RSU1: variants seen among roughly 807,000 people sequenced by gnomAD.
RSU1 encodes the protein Ras suppressor protein 1, also known as rsu-1.
A neutral mutation model predicts 31.1 loss-of-function variants in RSU1; 26 were observed. That is an observed-to-expected ratio of 0.84 (90% CI 0.61 to 1.16). The LOEUF is 1.16. Among genes scored for constraint, RSU1 ranks in the 50% most tolerant of loss-of-function variants. RSU1 has a pLI of 0.00. For synonymous variants in RSU1, 164 were observed against 136.3 expected (o/e 1.20, Z -1.41); for missense variants, 320 against 339.1 (o/e 0.94, Z 0.44).
chr10:16,690,145 G>GA (rs35694147), intron 8 of RSU1, among the ~76,000 whole-genome samples: 2,362 of 152,118 alleles, frequency 0.016, 53 homozygotes, highest in African/African-American at 0.054. Flanking sequence ...TCTCCTGGGG[G>GA]AAAAAAATCT....
chr10:16,623,016 T>C (rs1358560411), intron 8 of RSU1, among the ~76,000 whole-genome samples: 1 of 152,184 alleles, frequency 6.6e-6, no homozygotes, highest in Non-Finnish European at 1.5e-5. Flanking sequence ...CAAGAAAAAG[T>C]ACATTCTAAT....
At chr10:16,596,299 T>A (rs926189193) in intron 8 of RSU1, among the ~76,000 whole-genome samples, 1 of 152,180 alleles carries the variant, frequency 6.6e-6, no homozygotes, top group Non-Finnish European at 1.5e-5. Flanking sequence ...ACTCAACCCG[T>A]GTTCCTCCTC....
chr10:16,777,832 A>G (rs1837564354), intron 3 of RSU1, among the ~76,000 whole-genome samples: 1 of 152,084 alleles, frequency 6.6e-6, no homozygotes, highest in African/African-American at 2.4e-5. Flanking sequence ...AGGAAAAGCA[A>G]AGAAACACAG....
At chr10:16,729,687 G>T (rs947835699) in intron 7 of RSU1, among the ~76,000 whole-genome samples, 4 of 152,184 alleles carry the variant, frequency 2.6e-5, no homozygotes, top group Admixed American at 2.0e-4. Flanking sequence ...TGGGTTAGGG[G>T]TTTATTTTTC....
intron 3 of RSU1, among the ~76,000 whole-genome samples, chr10:16,770,514 G>T (rs753006366): frequency 6.6e-6 from 1 of 152,136 alleles, no homozygotes; most frequent in Non-Finnish European, 1.5e-5. Flanking sequence ...CCAAACTTCT[G>T]GGGAGTTGGG....
intron 8 of RSU1, among the ~76,000 whole-genome samples, chr10:16,670,766 C>T (rs953566992): frequency 3.3e-5 from 5 of 152,026 alleles, no homozygotes; most frequent in African/African-American, 4.8e-5. Context: ...GATAGCGCCA[C>T]AGAACCTCTT....
intron 8 of RSU1, among the ~76,000 whole-genome samples, chr10:16,615,857 T>C (rs1463095880): frequency 6.6e-6 from 1 of 152,220 alleles, no homozygotes; most frequent in African/African-American, 2.4e-5. Flanking sequence ...TCAGAATCTC[T>C]GGGATGTAGC....
intron 2 of RSU1, among the ~76,000 whole-genome samples, chr10:16,814,163 G>A (rs1416467337): frequency 2.0e-5 from 3 of 152,108 alleles, no homozygotes; most frequent in Non-Finnish European, 2.9e-5. Flanking sequence ...ATGGAGGTTG[G>A]GTGTGGTAGC....
At chr10:16,709,273 A>C (rs191129427) in intron 7 of RSU1, among the ~76,000 whole-genome samples, 1,910 of 151,294 alleles carry the variant, frequency 0.013, 48 homozygotes, top group African/African-American at 0.044. Flanking sequence ...GCGATAGTTT[A>C]CTGAGAATGA....
At chr10:16,719,251 T>C (rs1018339250) in intron 7 of RSU1, among the ~76,000 whole-genome samples, 4 of 152,112 alleles carry the variant, frequency 2.6e-5, no homozygotes, top group Admixed American at 6.6e-5. Context: ...GAGGCTTCAG[T>C]GAGCTAGGAC....
At chr10:16,640,218 C>A (rs1047846203) in intron 8 of RSU1, among the ~76,000 whole-genome samples, 2 of 152,046 alleles carry the variant, frequency 1.3e-5, no homozygotes, top group South Asian at 2.1e-4. Context: ...AATTTTAGAT[C>A]CTGTATTTAT....
intron 8 of RSU1, among the ~76,000 whole-genome samples, chr10:16,694,239 G>A (rs1023490001): frequency 4.6e-5 from 7 of 152,162 alleles, no homozygotes; most frequent in African/African-American, 1.7e-4. Flanking sequence ...TAAGCTGGCA[G>A]ATTCCGCTTC....
At chr10:16,708,653 C>G (rs902632807) in intron 7 of RSU1, among the ~76,000 whole-genome samples, 1 of 151,992 alleles carries the variant, frequency 6.6e-6, no homozygotes, top group African/African-American at 2.4e-5. Context: ...TGCATCAAAT[C>G]TGTAGATTAT....
intron 2 of RSU1, among the ~76,000 whole-genome samples, chr10:16,784,952 T>A (rs1328763948): frequency 6.6e-6 from 1 of 152,134 alleles, no homozygotes; most frequent in African/African-American, 2.4e-5. Context: ...CCACACACTC[T>A]TAAACAACTA....
In RSU1 at chr10:16,590,708, C is replaced by T. The variant is rs1471368145; in HGVS notation, c.*2686G>A. On this transcript the variant is annotated 3_prime_UTR_variant, in exon 9 of 9. Transcript: ENST00000345264. ...AAGTACAGAATGAATAAGTAAAATT[C>T]TAGAAAGTCTTAGTTCACAATACAG... 1 of 152,150 alleles carries T rather than the reference C, an allele frequency of 6.6e-6. No homozygotes were observed. The highest frequency in any genetic ancestry group is 6.5e-5 in the Admixed American group (1 of 15,284). The allele number at this position is 152,150 out of a possible 1,614,324, so 9.4% of individuals were successfully genotyped here.
At chr10:16,601,356 C>G (rs1408358919) in intron 8 of RSU1, among the ~76,000 whole-genome samples, 1 of 152,098 alleles carries the variant, frequency 6.6e-6, no homozygotes. Context: ...AGCCTAGGAC[C>G]CTAGAAGTGT....
At chr10:16,790,610 C>T (rs1285535112) in intron 2 of RSU1, among the ~76,000 whole-genome samples, 1 of 152,138 alleles carries the variant, frequency 6.6e-6, no homozygotes, top group Non-Finnish European at 1.5e-5. Flanking sequence ...AGATGAAAAA[C>T]AGGGAAGGCA....
chr10:16,747,893 G>A (rs1451740130), intron 7 of RSU1, among the ~76,000 whole-genome samples: 1 of 152,012 alleles, frequency 6.6e-6, no homozygotes, highest in Admixed American at 6.5e-5. Flanking sequence ...AACCAGTGGG[G>A]CACAGTGGTG....
At chr10:16,798,386 T>C (rs993721080) in intron 2 of RSU1, among the ~76,000 whole-genome samples, 2 of 152,184 alleles carry the variant, frequency 1.3e-5, no homozygotes, top group African/African-American at 4.8e-5. Flanking sequence ...GTAATCCTCA[T>C]AATCTTCGTA....
Sources: allele counts gnomAD v4.1 joint callset (sites outside exome capture counted in the v4.1 genomes callset), GRCh38; gene constraint gnomAD v4.1.1; transcripts MANE v1.5; gene names NCBI Gene and HGNC (gene_info 2026-07-23, HGNC 2026-07-21).